Variants in NFAM1 observed in about 807,000 individuals in gnomAD.
NFAM1 encodes NFAT activation molecule 1.
Under a neutral mutation model 29.0 loss-of-function variants are expected in NFAM1, and 17 were observed. That is an observed-to-expected ratio of 0.59 (90% CI 0.40 to 0.88). NFAM1 has a LOEUF of 0.88. Ranked by LOEUF, NFAM1 falls within the 40% of genes least tolerant of loss-of-function variation. NFAM1 has a pLI of 0.00. For missense variants in NFAM1, 324 were observed against 344.6 expected (o/e 0.94, Z 0.47); for synonymous variants, 175 against 147.2 (o/e 1.19, Z -1.36).
chr22:42,398,384 TA>T (rs774704129), intron 3 of NFAM1, among the ~76,000 whole-genome samples: 17,995 of 94,384 alleles, frequency 0.19, 1,425 homozygotes, highest in Admixed American at 0.37. Flanking sequence ...TGGTTTTATT[TA>T]TTATTATTAT....
intron 1 of NFAM1, among the ~76,000 whole-genome samples, chr22:42,414,795 A>G (rs1264119654): frequency 6.6e-6 from 1 of 151,888 alleles, no homozygotes; most frequent in Admixed American, 6.6e-5. Flanking sequence ...GGGCAGATAC[A>G]CTGTCAGCAC....
chr22:42,433,597 T>C (rs562898078), upstream of NFAM1, among the ~76,000 whole-genome samples: 2 of 152,282 alleles, frequency 1.3e-5, no homozygotes, highest in African/African-American at 2.4e-5. Context: ...TGCTTTTCCC[T>C]GGGCTGCTCC....
intron 4 of NFAM1, among the ~76,000 whole-genome samples, chr22:42,394,984 G>A (rs1929468831): frequency 6.6e-6 from 1 of 152,010 alleles, no homozygotes. Context: ...AACCAGCCTG[G>A]GCAATATAGT....
intron 3 of NFAM1, among the ~76,000 whole-genome samples, chr22:42,407,519 C>T (rs1300898996): frequency 6.6e-6 from 1 of 152,072 alleles, no homozygotes; most frequent in Non-Finnish European, 1.5e-5. Context: ...CAGGCGCCTA[C>T]CACCACACCT....
At chr22:42,411,783 C>T (rs1161889254) in intron 1 of NFAM1, 47 bp from the exon 2 acceptor site, 1 of 1,354,958 alleles carries the variant, frequency 7.4e-7, no homozygotes, top group Non-Finnish European at 1.0e-6. Context: ...TTGAGGCTGC[C>T]TCAGTCCCAC....
intron 3 of NFAM1, among the ~76,000 whole-genome samples, chr22:42,407,335 G>A (rs1042231726): frequency 2.0e-5 from 3 of 151,862 alleles, no homozygotes; most frequent in Non-Finnish European, 1.5e-5. Context: ...GCCTGTCTCG[G>A]CCTCCCAAAG....
At chr22:42,402,520 G>T (rs915475020) in intron 3 of NFAM1, among the ~76,000 whole-genome samples, 1 of 152,216 alleles carries the variant, frequency 6.6e-6, no homozygotes, top group South Asian at 2.1e-4. Flanking sequence ...GTCACCAAGA[G>T]GGGGGTGACC....
intron 1 of NFAM1, among the ~76,000 whole-genome samples, chr22:42,428,516 A>G (rs961092179): frequency 6.6e-6 from 1 of 152,094 alleles, no homozygotes; most frequent in Non-Finnish European, 1.5e-5. Context: ...ATCTCAGCTC[A>G]GTGCAGCCTC....
chr22:42,395,986 G>A (rs999776860), intron 4 of NFAM1, among the ~76,000 whole-genome samples: 2 of 152,026 alleles, frequency 1.3e-5, no homozygotes, highest in African/African-American at 4.8e-5. Flanking sequence ...AAATATAACA[G>A]GTGTAAAGTC....
chr22:42,415,466 A>AT (rs1930230635), intron 1 of NFAM1, among the ~76,000 whole-genome samples: 1 of 151,652 alleles, frequency 6.6e-6, no homozygotes, highest in African/African-American at 2.4e-5. Flanking sequence ...TGCCTGGCTA[A>AT]TTTTTTGTAT....
intron 3 of NFAM1, among the ~76,000 whole-genome samples, chr22:42,407,075 C>A (rs1414923698): frequency 7.2e-6 from 1 of 138,262 alleles, no homozygotes; most frequent in African/African-American, 2.7e-5. Flanking sequence ...GCACCCGGAC[C>A]TTCCTCTTTT....
chr22:42,406,385 C>G (rs371076653), intron 3 of NFAM1, among the ~76,000 whole-genome samples: 1 of 152,182 alleles, frequency 6.6e-6, no homozygotes, highest in African/African-American at 2.4e-5. Flanking sequence ...GATCTCACCC[C>G]CTTCCTTGTA....
At chr22:42,423,152 C>T (rs1036628321) in intron 1 of NFAM1, among the ~76,000 whole-genome samples, 4 of 138,858 alleles carry the variant, frequency 2.9e-5, no homozygotes, top group Non-Finnish European at 6.1e-5. Flanking sequence ...GGGGAACAGA[C>T]CCCCCAGAGA....
At chr22:42,433,038 C>T (rs1930857835), upstream of NFAM1, among the ~76,000 whole-genome samples, 1 of 152,184 alleles carries the variant, frequency 6.6e-6, no homozygotes. Flanking sequence ...TAAAGCTTAG[C>T]TCACTCGGCC....
chr22:42,393,566 G>A (rs1929417653), intron 4 of NFAM1, among the ~76,000 whole-genome samples: 2 of 142,934 alleles, frequency 1.4e-5, no homozygotes, highest in South Asian at 2.2e-4. Flanking sequence ...CCGCCACCAC[G>A]CCTGACTAAT....
intron 1 of NFAM1, among the ~76,000 whole-genome samples, chr22:42,421,548 TCA>T (rs947545660): frequency 3.6e-4 from 55 of 151,314 alleles, no homozygotes; most frequent in Middle Eastern, 3.5e-3. Flanking sequence ...CCCCCGTCCC[TCA>T]CACTCTGCTC....
At position 42,409,202 on chromosome 22, in the gene NFAM1, A is replaced by G. The variant is rs1422996893; in HGVS notation, c.564+233T>C. On this transcript the variant is annotated intron_variant, in intron 3 of 5. Transcript: ENST00000329021. The surrounding 1 kb of genome is among the most constrained non-coding windows in gnomAD (Gnocchi z 4.9). ...TCTCAGAGGGACATGGGACCTGGGA[A>G]AGCCTGCAGAGCCCTGGTTTCTTGC... Among the ~76,000 whole-genome samples, 1 of 152,180 alleles carries G rather than the reference A, an allele frequency of 6.6e-6. No individual in the cohort carries two copies. The highest frequency in any genetic ancestry group is 2.4e-5 in the African/African-American group (1 of 41,440).
chr22:42,431,587 G>A (rs937968287), intron 1 of NFAM1, among the ~76,000 whole-genome samples: 17 of 152,138 alleles, frequency 1.1e-4, no homozygotes, highest in Non-Finnish European at 2.1e-4. Flanking sequence ...AGCTTGGCTC[G>A]GATCCCGGCC....
intron 5 of NFAM1, among the ~76,000 whole-genome samples, chr22:42,386,379 A>G (rs1031044194): frequency 7.1e-6 from 1 of 140,152 alleles, no homozygotes. Flanking sequence ...GTCTCAAAAC[A>G]AAAACAAAAA....
Sources: gnomAD v4.1 joint callset for allele counts (sites outside exome capture counted in the v4.1 genomes callset) on GRCh38, gnomAD v4.1.1 for gene constraint, Gnocchi (gnomAD v3.1) non-coding constraint, MANE v1.5 for transcripts, NCBI Gene and HGNC (gene_info 2026-07-23, HGNC 2026-07-21) for gene names.